CAMSAP2: variants seen among roughly 807,000 people sequenced by gnomAD.
CAMSAP2 encodes calmodulin regulated spectrin associated protein family member 2.
Under a neutral mutation model 146.1 loss-of-function variants are expected in CAMSAP2, and 26 were observed. The ratio of observed to expected loss-of-function variants is 0.18; its 90% CI spans 0.13 to 0.25. CAMSAP2 has a LOEUF of 0.25. Ranked by LOEUF, CAMSAP2 falls within the 10% of genes least tolerant of loss-of-function variation. CAMSAP2 has a pLI of 1.00. For synonymous variants in CAMSAP2, 499 were observed against 596.6 expected, an observed-to-expected ratio of 0.84 and a Z score of 2.38; for missense variants, 1,381 against 1,759.3, an observed-to-expected ratio of 0.78 and a Z score of 3.85.
At chr1:200,846,309 T>C (rs1667458672) in intron 8 of CAMSAP2, among the ~76,000 whole-genome samples, 1 of 152,196 alleles carries the variant, frequency 6.6e-6, no homozygotes, top group Non-Finnish European at 1.5e-5. Flanking sequence ...AAAGTAAAGC[T>C]TTCCACTCAA....
At position 200,811,715 on chromosome 1, in the gene CAMSAP2, G is replaced by A. The variant is rs371127344; in HGVS notation, c.562-3846G>A. Among the ~76,000 whole-genome samples the A allele has an allele frequency of 2.2e-4, 33 of 152,224 alleles. No individual in the cohort carries two copies. The East Asian group carries it at 5.8e-3, about 27-fold the overall frequency. On this transcript the variant is annotated intron_variant, in intron 3 of 16. Coordinates refer to ENST00000358823, the MANE Select transcript of CAMSAP2 (RefSeq NM_203459.4). ...AGAATTCTACAAGTATCTTTTTATA[G>A]TGCAGCTTGGATCATGCCATTCTTT...
At chr1:200,767,985 G>C (rs907603289) in intron 2 of CAMSAP2, among the ~76,000 whole-genome samples, 1 of 152,072 alleles carries the variant, frequency 6.6e-6, no homozygotes, top group Non-Finnish European at 1.5e-5. Flanking sequence ...CTTGATGAAT[G>C]GTACTTACTT....
chr1:200,848,783 T>G lies in CAMSAP2; in HGVS notation c.2014T>G (p.Ser672Ala), dbSNP rs745746822. The G allele has an allele frequency of 6.2e-7, 1 of 1,614,026 alleles. No homozygotes were observed. The highest frequency in any genetic ancestry group is 8.5e-7 in the Non-Finnish European group (1 of 1,179,998). The change falls in exon 11 of 17, where the codon TCT becomes GCT. Residue 672 changes from serine (S) to alanine (A), a missense_variant. Physicochemically the swap from Ser to Ala is moderately conservative, Grantham distance 99. Transcript: ENST00000358823. ...TTGTCCAAGTACTGTAAGTACCAAG[T>G]CTCAGCCAGGCAGCAGTGCTTCTTC... ...SPCPSTVSTK[S>A]QPGSSASSSS...
chr1:200,844,165 C>A (rs1216555394), intron 7 of CAMSAP2, among the ~76,000 whole-genome samples: 4 of 152,068 alleles, frequency 2.6e-5, no homozygotes, highest in African/African-American at 9.7e-5. Context: ...ACCACCACAC[C>A]CAGCCACTTA....
intron 6 of CAMSAP2, among the ~76,000 whole-genome samples, chr1:200,836,508 A>G (rs185200783): frequency 1.8e-4 from 27 of 152,228 alleles, no homozygotes; most frequent in Middle Eastern, 3.4e-3. Context: ...GGCATTTAGG[A>G]TGATTCCATG....
At chr1:200,753,234 G>A (rs923059940) in intron 1 of CAMSAP2, among the ~76,000 whole-genome samples, 43 of 147,896 alleles carry the variant, frequency 2.9e-4, no homozygotes, top group Non-Finnish European at 4.5e-5. Context: ...GGAGGCAGAG[G>A]TTTTAGTGAG....
At chr1:200,792,907 G>A (rs990857699) in intron 2 of CAMSAP2, among the ~76,000 whole-genome samples, 12 of 152,136 alleles carry the variant, frequency 7.9e-5, no homozygotes, top group African/African-American at 2.9e-4. Flanking sequence ...TACCATTGGG[G>A]GAAACTGGGT....
chr1:200,772,131 G>T (rs536202944), intron 2 of CAMSAP2, among the ~76,000 whole-genome samples: 2 of 151,964 alleles, frequency 1.3e-5, no homozygotes, highest in Non-Finnish European at 2.9e-5. Context: ...TCACAGTTAG[G>T]AATGCATTTT....
intron 2 of CAMSAP2, among the ~76,000 whole-genome samples, chr1:200,805,399 G>A (rs761068157): frequency 3.3e-5 from 5 of 152,130 alleles, no homozygotes; most frequent in Non-Finnish European, 7.3e-5. Flanking sequence ...TACCACGTTA[G>A]ATGTAGGGAA....
chr1:200,783,770 T>C (rs1362178771), intron 2 of CAMSAP2, among the ~76,000 whole-genome samples: 1 of 152,222 alleles, frequency 6.6e-6, no homozygotes, highest in Non-Finnish European at 1.5e-5. Flanking sequence ...ATTACAGGAA[T>C]GACCACCATG....
In CAMSAP2 at chr1:200,847,413, T is replaced by TTTTTTGTTTG. The variant is rs1558207107; in HGVS notation, c.1192+124_1192+125insTTGTTTGTTT. 1.5e-4 allele frequency: 118 copies of TTTTTTGTTTG among 769,762 alleles called. 1 individual carries two copies. The African/African-American group carries it at 1.9e-3, about 12-fold the overall frequency. The allele number at this position is 769,762 out of a possible 1,614,324, so 47.7% of individuals were successfully genotyped here. A position where few individuals can be genotyped will look rare whatever the true frequency, so the allele number is the denominator to read the frequency against. On this transcript the variant is annotated intron_variant, in intron 9 of 16. Coordinates refer to ENST00000358823, the MANE Select transcript of CAMSAP2 (RefSeq NM_203459.4). ...TTTTTGTGTGTGTGTGTGTGTGTTT[T>TTTTTTGTTTG]TTTGTTTGTTTGTTTGTTTTCTGAA...
At chr1:200,817,241 TACAC>T (rs1228849157) in intron 4 of CAMSAP2, among the ~76,000 whole-genome samples, 4 of 10,616 alleles carry the variant, frequency 3.8e-4, no homozygotes, top group African/African-American at 9.8e-4. Context: ...TATACACACA[TACAC>T]ACATATGTGT....
intron 13 of CAMSAP2, 71 bp from the exon 14 acceptor site, chr1:200,854,746 T>C: frequency 9.0e-7 from 1 of 1,109,676 alleles, no homozygotes; most frequent in Non-Finnish European, 1.3e-6. Context: ...AACAGACTCT[T>C]TGCTAGTTGC....
chr1:200,759,209 C>G (rs1664730900), intron 1 of CAMSAP2, among the ~76,000 whole-genome samples: 1 of 151,930 alleles, frequency 6.6e-6, no homozygotes, highest in African/African-American at 2.4e-5. Flanking sequence ...TACTCTTTCT[C>G]TCCTCCCTCT....
chr1:200,788,770 T>C (rs1459411734), intron 2 of CAMSAP2, among the ~76,000 whole-genome samples: 2 of 151,748 alleles, frequency 1.3e-5, no homozygotes, highest in South Asian at 2.1e-4. Context: ...GCTACCCAAG[T>C]AGCTGGGATT....
In CAMSAP2 at chr1:200,758,918, A is replaced by G. The variant is rs558868133; in HGVS notation, c.140-1921A>G. On this transcript the variant is annotated intron_variant, in intron 1 of 16. Transcript: ENST00000358823. ...TACTGCCTTTGAACTTCATTTCCTT[A>G]TATCTATATGGTAATCTTCTATCTC... Among the ~76,000 whole-genome samples the G allele has an allele frequency of 3.9e-5, 6 of 152,044 alleles. No homozygotes were observed. In the East Asian group the frequency reaches 9.6e-4, roughly 24 times the overall value.
intron 4 of CAMSAP2, among the ~76,000 whole-genome samples, chr1:200,830,299 C>G (rs917543976): frequency 8.0e-5 from 12 of 150,512 alleles, no homozygotes; most frequent in African/African-American, 2.9e-4. Flanking sequence ...TCATATAAAG[C>G]TGTGTGTGTG....
At chr1:200,831,853 G>C (rs1667051875) in intron 4 of CAMSAP2, among the ~76,000 whole-genome samples, 1 of 152,028 alleles carries the variant, frequency 6.6e-6, no homozygotes, top group South Asian at 2.1e-4. Flanking sequence ...CTGAATTAAA[G>C]TAGATGAATT....
Position 200,848,307 on chromosome 1 carries a change from A to G in CAMSAP2, c.1538A>G (p.Glu513Gly), listed in dbSNP as rs1303482033. The G allele has an allele frequency of 6.2e-7, 1 of 1,613,350 alleles. No homozygotes were observed. The highest frequency in any genetic ancestry group is 2.2e-5 in the East Asian group (1 of 44,884). Reference protein sequence around the residue: ...PLNTNELNSNENIHYKLPNGA... With the variant: ...PLNTNELNSNGNIHYKLPNGA... The stretch of plus-strand genomic sequence containing the variant: ...AACACAAATGAACTAAATTCTAATG[A>G]GAATATTCATTACAAGCTTCCAAAT... Residue 513 changes from glutamate to glycine, a missense_variant, in exon 11 of 17, where the codon GAG becomes GGG. This residue lies in a region of CAMSAP2 where 447 missense variants were observed against 462.2 expected (regional missense o/e 0.97). Coordinates refer to ENST00000358823, the MANE Select transcript of CAMSAP2 (RefSeq NM_203459.4).
Sources: gnomAD v4.1 joint callset for allele counts (sites outside exome capture counted in the v4.1 genomes callset) on GRCh38, gnomAD v4.1.1 for gene constraint, gnomAD v4.1.1 regional missense constraint, MANE v1.5 for transcripts, NCBI Gene and HGNC (gene_info 2026-07-23, HGNC 2026-07-21) for gene names.